EYS: variants seen among roughly 807,000 people sequenced by gnomAD.
EYS encodes the protein protein eyes shut homolog.
In EYS, 250 loss-of-function variants were observed where a neutral mutation model predicts 282.1. That is an observed-to-expected ratio of 0.89 (90% confidence interval 0.80 to 0.98). The LOEUF is 0.98. Ranked by LOEUF, EYS falls within the 50% of genes least tolerant of loss-of-function variation. EYS has a pLI of 0.00. For missense variants in EYS, 4,016 were observed against 3,709.0 expected (o/e 1.08, Z -2.15); for synonymous variants, 1,355 against 1,282.9 (o/e 1.06, Z -1.20).
At chr6:64,625,401 A>C (rs1767573834) in intron 23 of EYS, among the ~76,000 whole-genome samples, 1 of 152,230 alleles carries the variant, frequency 6.6e-6, no homozygotes, top group African/African-American at 2.4e-5. Flanking sequence ...TATTTCTCAC[A>C]GTTCTGGAAG....
At chr6:64,791,001 T>A (rs1200811142) in intron 22 of EYS, among the ~76,000 whole-genome samples, 1 of 151,906 alleles carries the variant, frequency 6.6e-6, no homozygotes, top group Non-Finnish European at 1.5e-5. Flanking sequence ...GTTTTTCACA[T>A]GCTGAAAACA....
intron 30 of EYS, among the ~76,000 whole-genome samples, chr6:64,296,946 A>G (rs904234145): frequency 6.6e-6 from 1 of 152,158 alleles, no homozygotes; most frequent in African/African-American, 2.4e-5. Context: ...AGTGAAGTCT[A>G]TTGAAGGTTT....
rs4710531 is a variant in EYS, at chr6:65,643,557, T to A, written c.-447-3665A>T. Among the ~76,000 whole-genome samples, 465 of 152,230 alleles carry A rather than the reference T, an allele frequency of 3.1e-3. 15 individuals are homozygous for A. Among genetic ancestry groups the A allele is most frequent in the Admixed American group, 0.027 (417 of 15,278 alleles). ...CAGACATTCCTAGGGCAAGTTTGCA[T>A]CCTCCCTATAGTACCACAGCTGATG... On this transcript the variant is annotated intron_variant, in intron 1 of 42. Coordinates refer to ENST00000503581, the MANE Select transcript of EYS (RefSeq NM_001142800.2).
intron 26 of EYS, among the ~76,000 whole-genome samples, chr6:64,439,830 T>C (rs1774875210): frequency 6.6e-6 from 1 of 151,862 alleles, no homozygotes; most frequent in Non-Finnish European, 1.5e-5. Flanking sequence ...TCTCACCTTC[T>C]GAATGATATT....
At chr6:65,408,555 C>G (rs1766850433) in intron 5 of EYS, among the ~76,000 whole-genome samples, 1 of 152,018 alleles carries the variant, frequency 6.6e-6, no homozygotes, top group African/African-American at 2.4e-5. Flanking sequence ...AAAGTTTGAG[C>G]GGTCATTAAT....
intron 36 of EYS, among the ~76,000 whole-genome samples, chr6:63,835,214 AAAAT>A (rs1359036696): frequency 1.3e-5 from 2 of 151,760 alleles, no homozygotes; most frequent in Admixed American, 6.6e-5. Context: ...TAAAAAATAA[AAAAT>A]AAATGAGTGT....
rs530170447 is a variant in EYS, at chr6:63,738,375, G to A, written c.8072-11695C>T. 3.9e-5 allele frequency among the ~76,000 whole-genome samples: 6 copies of A among 152,026 alleles called. No homozygotes were observed. In the East Asian group the frequency reaches 1.2e-3, roughly 29 times the overall value. Reference sequence around the variant, plus strand: ...ATGATAGACTGGATTAAGAAAATGTGGCACATATACACCATGGAATACTAT... The same window carrying A: ...ATGATAGACTGGATTAAGAAAATGTAGCACATATACACCATGGAATACTAT... On this transcript the variant is annotated intron_variant, in intron 41 of 42. Coordinates refer to ENST00000503581, the MANE Select transcript of EYS (RefSeq NM_001142800.2).
chr6:64,211,958 A>C (rs986113694), intron 31 of EYS, among the ~76,000 whole-genome samples: 1 of 151,746 alleles, frequency 6.6e-6, no homozygotes, highest in African/African-American at 2.4e-5. Context: ...TCTACTAAAA[A>C]TATAAAAATT....
chr6:64,800,762 A>G (rs933219461), intron 22 of EYS, among the ~76,000 whole-genome samples: 4 of 152,018 alleles, frequency 2.6e-5, no homozygotes, highest in African/African-American at 9.7e-5. Context: ...AAAAATAATC[A>G]TATTGATAGT....
chr6:64,844,360 T>C (rs1765658213), intron 19 of EYS, among the ~76,000 whole-genome samples: 1 of 147,794 alleles, frequency 6.8e-6, no homozygotes, highest in South Asian at 2.1e-4. Flanking sequence ...GCTGTTGGGT[T>C]TTTTTTTTTT....
At chr6:65,515,375 T>C (rs1389232476) in intron 2 of EYS, among the ~76,000 whole-genome samples, 3 of 152,142 alleles carry the variant, frequency 2.0e-5, no homozygotes, top group African/African-American at 4.8e-5. Flanking sequence ...TTGTGGAAGT[T>C]GGTGTGGTGA....
intron 22 of EYS, among the ~76,000 whole-genome samples, chr6:64,635,320 CT>C (rs1767936114): frequency 6.6e-6 from 1 of 152,162 alleles, no homozygotes; most frequent in South Asian, 2.1e-4. Flanking sequence ...TTATTTCCTT[CT>C]CCCGCCTGAT....
At chr6:65,517,121 A>G (rs1767164217) in intron 2 of EYS, among the ~76,000 whole-genome samples, 1 of 151,966 alleles carries the variant, frequency 6.6e-6, no homozygotes, top group African/African-American at 2.4e-5. Context: ...AATGAAAAAT[A>G]CTTGCTCTTG....
intron 29 of EYS, among the ~76,000 whole-genome samples, chr6:64,318,687 T>G (rs2150382817): frequency 6.6e-6 from 1 of 151,952 alleles, no homozygotes; most frequent in South Asian, 2.1e-4. Context: ...TCCAAACAAA[T>G]TTTTATTTTT....
intron 12 of EYS, among the ~76,000 whole-genome samples, chr6:65,067,752 T>C (rs978357814): frequency 6.6e-5 from 10 of 152,144 alleles, no homozygotes; most frequent in Non-Finnish European, 1.5e-4. Context: ...AAAAGTACCA[T>C]GGCAGTGAGA....
chr6:64,976,682 A>T (rs1201585025), intron 14 of EYS, among the ~76,000 whole-genome samples: 1 of 151,996 alleles, frequency 6.6e-6, no homozygotes, highest in South Asian at 2.1e-4. Context: ...AAGGGGATAT[A>T]AACATTTAGA....
chr6:65,286,227 G>A lies in EYS; in HGVS notation c.2023+9636C>T, dbSNP rs1467425486. Among the ~76,000 whole-genome samples, 5 of 151,652 alleles carry A rather than the reference G, an allele frequency of 3.3e-5. No homozygotes were observed. In the Admixed American group the frequency reaches 3.3e-4, roughly 10 times the overall value. On this transcript the variant is annotated intron_variant, in intron 12 of 42. Transcript: ENST00000503581. ...GATAATTAAAATAATTATACAGTAT[G>A]CATATATCACACTTCCAAATTAAGC...
chr6:64,919,651 G>T (rs1229207742), intron 15 of EYS, among the ~76,000 whole-genome samples: 1 of 151,566 alleles, frequency 6.6e-6, no homozygotes, highest in Non-Finnish European at 1.5e-5. Flanking sequence ...CATACATTTT[G>T]ATGTAAATGA....
At chr6:64,866,973 G>A (rs914079409) in intron 19 of EYS, among the ~76,000 whole-genome samples, 5 of 151,748 alleles carry the variant, frequency 3.3e-5, no homozygotes, top group Non-Finnish European at 7.4e-5. Context: ...GTATACATAT[G>A]CCTGGTAAGA....
Sources: allele counts gnomAD v4.1 joint callset (sites outside exome capture counted in the v4.1 genomes callset), GRCh38; gene constraint gnomAD v4.1.1; transcripts MANE v1.5; gene names NCBI Gene and HGNC (gene_info 2026-07-23, HGNC 2026-07-21).